Variants in ERGIC2 observed in about 807,000 individuals in gnomAD.
The protein encoded by ERGIC2 is endoplasmic reticulum-Golgi intermediate compartment protein 2.
In ERGIC2, 31 loss-of-function variants were observed where a neutral mutation model predicts 52.5. The ratio of observed to expected loss-of-function variants is 0.59; its 90% confidence interval spans 0.44 to 0.80. ERGIC2 has a LOEUF of 0.80. Among genes scored for constraint, ERGIC2 ranks in the 30% least tolerant of loss-of-function variants. The pLI is 0.00. For synonymous variants in ERGIC2, 129 were observed against 140.6 expected (o/e 0.92, Z 0.58); for missense variants, 395 against 455.2 (o/e 0.87, Z 1.20).
chr12:29,346,651 G>C (rs1940056480), intron 10 of ERGIC2, among the ~76,000 whole-genome samples: 2 of 152,064 alleles, frequency 1.3e-5, no homozygotes, highest in African/African-American at 2.4e-5. Flanking sequence ...TATTACAGTA[G>C]GAAGAAAACT....
At chr12:29,341,888 G>C in intron 12 of ERGIC2, 72 bp from the exon 13 acceptor site, 1 of 729,278 alleles carries the variant, frequency 1.4e-6, no homozygotes, top group South Asian at 1.7e-5. Flanking sequence ...AACTATAATG[G>C]AATAGATTAC....
Position 29,356,425 on chromosome 12 carries a change from A to G in ERGIC2, c.529T>C (p.Tyr177His), listed in dbSNP as rs1472180227. 1.2e-6 allele frequency: 2 copies of G among 1,603,670 alleles called. No individual in the cohort carries two copies. The highest frequency in any genetic ancestry group is 3.3e-5 in the Admixed American group (2 of 59,998). ...PNACRIHGHL[Y>H]VNKVAGNFHI... ...AAATTCCCTGCTACTTTATTGACAT[A>G]TAGATGGCCATGAATTCTGCATGCA... Residue 177 changes from tyrosine (Y) to histidine (H), a missense_variant, in exon 8 of 14, where the codon TAT becomes CAT. Transcript: ENST00000360150.
At position 29,341,347 on chromosome 12, in the gene ERGIC2, C is replaced by A. The variant is rs550315846; in HGVS notation, c.1072-129G>T. The A allele has an allele frequency of 5.5e-6, 4 of 727,476 alleles. No individual in the cohort carries two copies. The Admixed American group carries it at 7.8e-5, about 14-fold the overall frequency. The allele number at this position is 727,476 out of a possible 1,614,324, so 45.1% of individuals were successfully genotyped here. On this transcript the variant is annotated intron_variant, in intron 13 of 13. Transcript: ENST00000360150. ...CAAAAGCTACTATTTCTCTCTCTCT[C>A]TCCCCCTATTTCTCTATCTCTCTAT...
Position 29,338,861 on chromosome 12 carries a change from T to C in ERGIC2, c.*2295A>G, listed in dbSNP as rs961355291. The stretch of plus-strand genomic sequence containing the variant: ...AGTCTGGAATATAAACATATAGATA[T>C]TATGAATACTCTTGTAAAACAAAAA... On this transcript the variant is annotated 3_prime_UTR_variant, in exon 14 of 14. Transcript: ENST00000360150. The C allele has an allele frequency of 2.6e-5, 4 of 152,174 alleles. No individual in the cohort carries two copies. The highest frequency in any genetic ancestry group is 7.2e-5 in the African/African-American group (3 of 41,438). The allele number at this position is 152,174 out of a possible 1,614,324, so 9.4% of individuals were successfully genotyped here.
intron 7 of ERGIC2, 21 bp downstream of exon 7, chr12:29,357,602 C>T (rs554407923): frequency 1.6e-4 from 195 of 1,210,218 alleles, no homozygotes; most frequent in Admixed American, 4.4e-4. Flanking sequence ...AACAGTTGCA[C>T]ATTTAAAATA....
intron 10 of ERGIC2, among the ~76,000 whole-genome samples, chr12:29,348,595 T>G (rs1182819350): frequency 2.0e-5 from 3 of 152,016 alleles, no homozygotes; most frequent in Non-Finnish European, 4.4e-5. Flanking sequence ...TCCTTCTATG[T>G]TAATAACCAA....
At position 29,343,319 on chromosome 12, in the gene ERGIC2, GAAGA is replaced by G. The variant is rs1377547942; in HGVS notation, c.826-41_826-38del. 5.3e-6 allele frequency: 8 copies of G among 1,522,554 alleles called. No individual in the cohort carries two copies. The South Asian group carries it at 9.9e-5, about 19-fold the overall frequency. 94.3% of individuals were successfully genotyped at this position (1,522,554 alleles called of 1,614,324 possible). A position where few individuals can be genotyped will look rare whatever the true frequency, so the allele number is the denominator to read the frequency against. On this transcript the variant is annotated intron_variant, in intron 11 of 13. Coordinates refer to ENST00000360150, the MANE Select transcript of ERGIC2 (RefSeq NM_016570.3). ...GCAAAAGGAAGGGGAGAAATAGGAG[GAAGA>G]GAGAAACAGAATTCATGTCATCTGG...
intron 1 of ERGIC2, among the ~76,000 whole-genome samples, chr12:29,379,552 G>T (rs78139956): frequency 6.6e-6 from 1 of 152,114 alleles, no homozygotes; most frequent in Admixed American, 6.6e-5. Context: ...GGCAACATTT[G>T]TAACTACAGA....
In ERGIC2 at chr12:29,343,160, T is replaced by C; in HGVS notation, c.948A>G (p.Val316=). ...TTCCTCCAACAATACCACAGAGTCTTACAAAAAACTGCCAGAATGGCATGT... is the reference window on the plus strand; with the variant it reads ...TTCCTCCAACAATACCACAGAGTCTCACAAAAAACTGCCAGAATGGCATGT... ...EEHMPFWQFF[V]RLCGIVGGIF... is the part of the protein sequence containing the mutation. Residue 316 remains valine (V), a synonymous_variant, in exon 12 of 14, where the codon GTA becomes GTG. Transcript: ENST00000360150. 6.2e-7 allele frequency: 1 copy of C among 1,611,268 alleles called. No individual in the cohort carries two copies. The highest frequency in any genetic ancestry group is 1.1e-5 in the South Asian group (1 of 90,630).
chr12:29,343,244 G>A lies in ERGIC2; in HGVS notation c.864C>T (p.Val288=). The stretch of plus-strand genomic sequence containing the variant: ...GATCATATTTCATAAATATCCCAGA[G>A]ACTCCATGGCTGCCTGCAGCATGGT... ...IINHAAGSHG[V]SGIFMKYDLS... Residue 288 remains valine, a synonymous_variant, in exon 12 of 14, where the codon GTC becomes GTT. Transcript: ENST00000360150. The A allele has an allele frequency of 6.2e-7, 1 of 1,610,126 alleles. No individual in the cohort carries two copies. The highest frequency in any genetic ancestry group is 8.5e-7 in the Non-Finnish European group (1 of 1,177,434).
intron 1 of ERGIC2, among the ~76,000 whole-genome samples, chr12:29,377,395 A>G (rs1940529104): frequency 6.6e-6 from 1 of 152,176 alleles, no homozygotes; most frequent in African/African-American, 2.4e-5. Context: ...CTGACATAAA[A>G]TGGTGTAGTT....
At chr12:29,348,796 T>C (rs1940093312) in intron 10 of ERGIC2, among the ~76,000 whole-genome samples, 3 of 152,006 alleles carry the variant, frequency 2.0e-5, no homozygotes, top group Admixed American at 1.3e-4. Context: ...CCTGTTAATG[T>C]ATTAACCTTT....
chr12:29,347,643 ATGTTAAT>A (rs1940073023), intron 10 of ERGIC2, among the ~76,000 whole-genome samples: 1 of 152,212 alleles, frequency 6.6e-6, no homozygotes, highest in Admixed American at 6.5e-5. Context: ...TGCATTAAAG[ATGTTAAT>A]TGTTAAGTAA....
intron 11 of ERGIC2, 74 bp from the exon 12 acceptor site, chr12:29,343,356 C>A: frequency 1.6e-6 from 2 of 1,226,876 alleles, no homozygotes; most frequent in South Asian, 3.2e-5. Context: ...TGGTTACTTA[C>A]ATACATTCAA....
At chr12:29,369,437 G>C (rs2093354358) in intron 3 of ERGIC2, among the ~76,000 whole-genome samples, 1 of 151,902 alleles carries the variant, frequency 6.6e-6, no homozygotes. Context: ...TAAACCTCTT[G>C]AGGAAGATAC....
At chr12:29,349,952 C>CTT in intron 9 of ERGIC2, 61 bp downstream of exon 9, 1 of 1,083,522 alleles carries the variant, frequency 9.2e-7, no homozygotes. Context: ...TATATCTGCA[C>CTT]TTTTAAAAAT....
chr12:29,353,740 T>TTG (rs1940165957), intron 8 of ERGIC2, among the ~76,000 whole-genome samples: 1 of 152,078 alleles, frequency 6.6e-6, no homozygotes, highest in South Asian at 2.1e-4. Context: ...TTTTTTTTTT[T>TTG]GTTAACAGGT....
At chr12:29,343,352 C>T in intron 11 of ERGIC2, 70 bp from the exon 12 acceptor site, 3 of 1,258,392 alleles carry the variant, frequency 2.4e-6, no homozygotes, top group Non-Finnish European at 3.3e-6. Context: ...CATCTGGTTA[C>T]TTACATACAT....
At position 29,339,409 on chromosome 12, in the gene ERGIC2, A is replaced by C. The variant is rs1403892532; in HGVS notation, c.*1747T>G. On this transcript the variant is annotated 3_prime_UTR_variant, in exon 14 of 14. Transcript: ENST00000360150. ...TTGAATTTTCTTCCAAGCATACTTA[A>C]AGGACCAACAATCAGTCTACAATTC... is the stretch of plus-strand genomic sequence containing the variant. 1 of 152,174 alleles carries C rather than the reference A, an allele frequency of 6.6e-6. No individual in the cohort carries two copies. Among genetic ancestry groups the C allele is most frequent in the Admixed American group, 6.5e-5 (1 of 15,286 alleles). The allele number at this position is 152,174 out of a possible 1,614,324, so 9.4% of individuals were successfully genotyped here. A position where few individuals can be genotyped will look rare whatever the true frequency, so the allele number is the denominator to read the frequency against.
Sources: gnomAD v4.1 joint callset for allele counts (sites outside exome capture counted in the v4.1 genomes callset) on GRCh38, gnomAD v4.1.1 for gene constraint, MANE v1.5 for transcripts, NCBI Gene and HGNC (gene_info 2026-07-23, HGNC 2026-07-21) for gene names.